The following NBAS variants were observed in gnomAD, a reference collection of about 807,000 sequenced individuals.
The protein encoded by NBAS is NAG/BC035112 fusion.
A neutral mutation model predicts 302.5 loss-of-function variants in NBAS; 219 were observed. The ratio of observed to expected loss-of-function variants is 0.72; its 90% CI spans 0.65 to 0.81. The LOEUF is 0.81. Ranked by LOEUF, NBAS falls within the 30% of genes least tolerant of loss-of-function variation. The probability of loss-of-function intolerance (pLI) is 0.00; values close to 1 mark genes in which losing one functional copy is unlikely to be tolerated. For missense variants in NBAS, 2,932 were observed against 2,841.6 expected (o/e 1.03, Z -0.72); for synonymous variants, 1,118 against 1,021.6 (o/e 1.09, Z -1.80).
At chr2:15,136,635 G>A in the NBAS span, among the ~76,000 whole-genome samples, 3 of 152,202 alleles carry the variant, frequency 2.0e-5, no homozygotes, top group Non-Finnish European at 4.4e-5. Flanking sequence ...TGGGCCCTTT[G>A]GCAGCTGATC....
chr2:15,432,315 A>G (rs962578302), intron 21 of NBAS, among the ~76,000 whole-genome samples: 23 of 151,394 alleles, frequency 1.5e-4, no homozygotes, highest in Admixed American at 1.3e-4. Context: ...AACTCAAATT[A>G]TCTCTTTACA....
intron 48 of NBAS, among the ~76,000 whole-genome samples, chr2:15,206,575 G>C (rs1364181573): frequency 6.6e-6 from 1 of 152,176 alleles, no homozygotes; most frequent in East Asian, 1.9e-4. Flanking sequence ...CCAATCACAG[G>C]CCCAGAGGCC....
Position 15,488,962 on chromosome 2 carries a change from AGAAGT to A in NBAS, c.1010_1014del (p.His337LeufsTer22), listed in dbSNP as rs1558384329. 1.2e-6 allele frequency: 2 copies of A among 1,613,944 alleles called. No individual in the cohort carries two copies. Among genetic ancestry groups the A allele is most frequent in the Non-Finnish European group, 1.7e-6 (2 of 1,179,872 alleles). On this transcript the variant is annotated frameshift_variant, in exon 12 of 52. Coordinates refer to ENST00000281513, the MANE Select transcript of NBAS (RefSeq NM_015909.4). LOFTEE classifies it high-confidence loss of function. ...ATCGCCCAGATGCTCAGTTTCCCTG[AGAAGT>A]GAATGGCTGCCAGGAGCATCCCATC...
the NBAS span, among the ~76,000 whole-genome samples, chr2:15,032,340 T>A: frequency 6.6e-6 from 1 of 152,174 alleles, no homozygotes; most frequent in African/African-American, 2.4e-5. Context: ...TCTGATGAGG[T>A]CTCCAGTGGA....
At chr2:15,403,889 GTGTGTGTGTGTC>G (rs1467028829) in intron 25 of NBAS, among the ~76,000 whole-genome samples, 1 of 145,656 alleles carries the variant, frequency 6.9e-6, no homozygotes, top group African/African-American at 2.5e-5. Flanking sequence ...GTGTGTGTGT[GTGTGTGTGTGTC>G]TATACACTTT....
chr2:15,175,217 C>T (rs751333495), intron 51 of NBAS, among the ~76,000 whole-genome samples: 16 of 152,218 alleles, frequency 1.1e-4, no homozygotes, highest in South Asian at 2.1e-4. Context: ...CCACCCTCCT[C>T]GGCCTCCCAA....
intron 23 of NBAS, among the ~76,000 whole-genome samples, chr2:15,420,834 A>C (rs912053849): frequency 4.6e-5 from 7 of 152,284 alleles, no homozygotes; most frequent in Admixed American, 1.3e-4. Flanking sequence ...GAAGGGGAAG[A>C]GGGGGAAGCA....
At chr2:15,360,886 T>C (rs1291251537) in intron 32 of NBAS, among the ~76,000 whole-genome samples, 1 of 152,112 alleles carries the variant, frequency 6.6e-6, no homozygotes, top group African/African-American at 2.4e-5. Context: ...TATTTTAAAG[T>C]TAACTTTTTT....
At chr2:15,217,149 A>C (rs991758723) in intron 48 of NBAS, among the ~76,000 whole-genome samples, 5 of 152,230 alleles carry the variant, frequency 3.3e-5, no homozygotes, top group Admixed American at 2.6e-4. Flanking sequence ...CTTTAAAAAA[A>C]CACTGCAAGT....
intron 48 of NBAS, among the ~76,000 whole-genome samples, chr2:15,218,134 A>G (rs1366916593): frequency 6.6e-6 from 1 of 152,160 alleles, no homozygotes; most frequent in African/African-American, 2.4e-5. Flanking sequence ...TAGAATTACT[A>G]TATTTCTATT....
the NBAS span, among the ~76,000 whole-genome samples, chr2:14,965,352 G>T: frequency 3.9e-5 from 6 of 152,218 alleles, no homozygotes; most frequent in African/African-American, 1.2e-4. Flanking sequence ...AATTATTATA[G>T]ATTCTACAGA....
chr2:14,913,909 C>T, the NBAS span, among the ~76,000 whole-genome samples: 1 of 152,140 alleles, frequency 6.6e-6, no homozygotes, highest in African/African-American at 2.4e-5. Flanking sequence ...GCCAGACACA[C>T]TATATTAGTG....
the NBAS span, among the ~76,000 whole-genome samples, chr2:14,932,264 C>T: frequency 5.9e-5 from 9 of 152,160 alleles, no homozygotes; most frequent in African/African-American, 2.2e-4. Flanking sequence ...CTGCTGTGCT[C>T]CTAAGAAGGC....
intron 47 of NBAS, among the ~76,000 whole-genome samples, chr2:15,227,437 C>T (rs2147912448): frequency 6.6e-6 from 1 of 152,004 alleles, no homozygotes. Flanking sequence ...AAGTGATTTA[C>T]AGATTCAATG....
the NBAS span, among the ~76,000 whole-genome samples, chr2:14,995,183 T>C: frequency 3.3e-5 from 5 of 152,282 alleles, no homozygotes; most frequent in East Asian, 7.7e-4. Context: ...TAACATTAGG[T>C]ATATCTCCTA....
chr2:15,137,965 C>G, the NBAS span, among the ~76,000 whole-genome samples: 1 of 152,140 alleles, frequency 6.6e-6, no homozygotes, highest in Non-Finnish European at 1.5e-5. Flanking sequence ...TTCTACTCAT[C>G]AAGAGCCCGA....
the NBAS span, among the ~76,000 whole-genome samples, chr2:15,047,956 G>A: frequency 6.6e-6 from 1 of 152,256 alleles, no homozygotes; most frequent in Admixed American, 6.5e-5. Context: ...GGTTGCTTTG[G>A]CTGGTGCCTG....
At chr2:15,094,130 T>A in the NBAS span, among the ~76,000 whole-genome samples, 1 of 152,206 alleles carries the variant, frequency 6.6e-6, no homozygotes, top group Non-Finnish European at 1.5e-5. Context: ...CTTTGAAACA[T>A]GCAAAAGGAA....
chr2:15,439,644 G>A (rs1204874024), intron 21 of NBAS, among the ~76,000 whole-genome samples: 1 of 152,108 alleles, frequency 6.6e-6, no homozygotes, highest in Non-Finnish European at 1.5e-5. Context: ...GGGAGTGCCA[G>A]ACAGTGGGCG....
Sources: gnomAD v4.1 joint callset for allele counts (sites outside exome capture counted in the v4.1 genomes callset) on GRCh38, gnomAD v4.1.1 for gene constraint, MANE v1.5 for transcripts, NCBI Gene and HGNC (gene_info 2026-07-23, HGNC 2026-07-21) for gene names.